The following GABRB1 variants were observed in gnomAD, a reference collection of about 807,000 sequenced individuals.
GABRB1 encodes the protein gamma-aminobutyric acid receptor subunit beta-1.
In GABRB1, 17 loss-of-function variants were observed where a neutral mutation model predicts 51.6. The ratio of observed to expected loss-of-function variants is 0.33; its 90% CI spans 0.23 to 0.49. The LOEUF is 0.49. Ranked by LOEUF, GABRB1 falls within the 20% of genes least tolerant of loss-of-function variation. The pLI, the probability that GABRB1 is intolerant of heterozygous loss-of-function variation, is 0.99. For missense variants in GABRB1, 410 were observed against 600.6 expected, an observed-to-expected ratio of 0.68 and a Z score of 3.32; for synonymous variants, 247 against 218.9, an observed-to-expected ratio of 1.13 and a Z score of -1.14.
At chr4:47,042,499 T>C (rs924853409) in intron 3 of GABRB1, among the ~76,000 whole-genome samples, 1 of 148,400 alleles carries the variant, frequency 6.7e-6, no homozygotes, top group Non-Finnish European at 1.5e-5. Context: ...TATGTATATA[T>C]AGTCTGCTTT....
chr4:47,051,974 C>A (rs1726367721), intron 3 of GABRB1, among the ~76,000 whole-genome samples: 1 of 151,924 alleles, frequency 6.6e-6, no homozygotes, highest in Admixed American at 6.6e-5. Flanking sequence ...ACTAAAAATA[C>A]AAAAGTCAGC....
At chr4:47,131,563 A>AT (rs539400267) in intron 3 of GABRB1, among the ~76,000 whole-genome samples, 98 of 151,484 alleles carry the variant, frequency 6.5e-4, no homozygotes, top group African/African-American at 1.1e-3. Flanking sequence ...CAAAACTGCA[A>AT]TTTTTTTTTG....
intron 5 of GABRB1, among the ~76,000 whole-genome samples, chr4:47,401,619 A>G (rs766425212): frequency 6.6e-6 from 1 of 152,184 alleles, no homozygotes; most frequent in Non-Finnish European, 1.5e-5. Flanking sequence ...CACATTCCCC[A>G]GATACTACTT....
intron 4 of GABRB1, among the ~76,000 whole-genome samples, chr4:47,167,636 A>G (rs569066738): frequency 6.6e-6 from 1 of 152,258 alleles, no homozygotes; most frequent in South Asian, 2.1e-4. Flanking sequence ...TGTAATTGCC[A>G]TTGTGACAGT....
At chr4:47,402,922 A>T (rs1333365832) in intron 5 of GABRB1, among the ~76,000 whole-genome samples, 9 of 152,214 alleles carry the variant, frequency 5.9e-5, no homozygotes, top group Non-Finnish European at 1.3e-4. Flanking sequence ...CCATTTAACA[A>T]ATATGTGCTC....
chr4:47,336,550 G>A (rs921467927), intron 5 of GABRB1, among the ~76,000 whole-genome samples: 2 of 152,152 alleles, frequency 1.3e-5, no homozygotes, highest in African/African-American at 4.8e-5. Flanking sequence ...CCTAGTAAGT[G>A]GCAGAGCCAA....
chr4:47,409,125 C>T (rs1386800804), intron 8 of GABRB1, among the ~76,000 whole-genome samples: 1 of 152,144 alleles, frequency 6.6e-6, no homozygotes, highest in Non-Finnish European at 1.5e-5. Flanking sequence ...CCGGGGCAAG[C>T]ACTTTTGGGC....
intron 3 of GABRB1, among the ~76,000 whole-genome samples, chr4:47,103,140 G>A (rs1015723322): frequency 6.6e-6 from 1 of 151,830 alleles, no homozygotes; most frequent in Non-Finnish European, 1.5e-5. Context: ...GGAATCTGTG[G>A]GATAATCAGT....
intron 4 of GABRB1, among the ~76,000 whole-genome samples, chr4:47,311,271 G>C (rs1355506143): frequency 3.3e-5 from 2 of 59,714 alleles, no homozygotes; most frequent in Non-Finnish European, 7.9e-5. Flanking sequence ...AAAATACCAA[G>C]CGTGGTGTTT....
At chr4:47,131,691 T>C (rs867308896) in intron 3 of GABRB1, among the ~76,000 whole-genome samples, 3 of 152,154 alleles carry the variant, frequency 2.0e-5, no homozygotes, top group Non-Finnish European at 2.9e-5. Context: ...AATGTTACGA[T>C]ATGGTAAAAG....
intron 3 of GABRB1, among the ~76,000 whole-genome samples, chr4:47,120,882 T>C (rs1037011958): frequency 6.6e-6 from 1 of 152,028 alleles, no homozygotes; most frequent in African/African-American, 2.4e-5. Context: ...CCTCTCCTCT[T>C]CTGAAGCAGA....
intron 1 of GABRB1, among the ~76,000 whole-genome samples, chr4:47,016,342 C>T (rs1577827557): frequency 6.6e-6 from 1 of 152,076 alleles, no homozygotes; most frequent in Admixed American, 6.6e-5. Flanking sequence ...AAAGCCAATT[C>T]TATTATCTTT....
At chr4:47,378,406 G>T (rs1053819928) in intron 5 of GABRB1, among the ~76,000 whole-genome samples, 1 of 152,140 alleles carries the variant, frequency 6.6e-6, no homozygotes, top group Non-Finnish European at 1.5e-5. Context: ...CAAGCACCGC[G>T]CGCAGCCCGG....
intron 4 of GABRB1, among the ~76,000 whole-genome samples, chr4:47,164,787 C>T (rs1452109603): frequency 2.0e-5 from 3 of 152,214 alleles, no homozygotes; most frequent in African/African-American, 7.2e-5. Flanking sequence ...AGGGATGGCA[C>T]ATAGTCCTGT....
rs150495145 is a variant in GABRB1 at position 47,049,037 on chromosome 4, C to T, written c.240+16553C>T. Among the ~76,000 whole-genome samples, 218 of 149,746 alleles carry T rather than the reference C, an allele frequency of 1.5e-3. 2 individuals carry two copies. The highest frequency in any genetic ancestry group is 5.1e-3 in the African/African-American group (207 of 40,616). On this transcript the variant is annotated intron_variant, in intron 3 of 8. Transcript: ENST00000295454. ...GTTACTGTCATAGACAGAGCCTTTCCTCTTAATCTTTTCATGATGAGAAGA... is the reference window on the plus strand; with the variant it reads ...GTTACTGTCATAGACAGAGCCTTTCTTCTTAATCTTTTCATGATGAGAAGA...
At chr4:47,354,111 AC>A (rs1192153594) in intron 5 of GABRB1, among the ~76,000 whole-genome samples, 2 of 152,122 alleles carry the variant, frequency 1.3e-5, no homozygotes, top group Non-Finnish European at 2.9e-5. Flanking sequence ...CACCCCTAGA[AC>A]CCTCAGGTCT....
intron 3 of GABRB1, among the ~76,000 whole-genome samples, chr4:47,119,755 C>T (rs369867381): frequency 3.3e-5 from 5 of 152,124 alleles, no homozygotes; most frequent in African/African-American, 1.2e-4. Context: ...GTGATCTGCC[C>T]ACCTCGGCCT....
At chr4:47,074,121 T>C (rs189790306) in intron 3 of GABRB1, among the ~76,000 whole-genome samples, 2 of 152,348 alleles carry the variant, frequency 1.3e-5, no homozygotes, top group African/African-American at 4.8e-5. Flanking sequence ...ATATTTTAAA[T>C]GGTATCTTAA....
In GABRB1 at chr4:47,403,722, C is replaced by T; in HGVS notation, c.835+11C>T. 6.2e-7 allele frequency: 1 copy of T among 1,610,322 alleles called. No homozygotes were observed. ...CCAGAGTCGCACTAGGTAATACATT[C>T]TCAGCACTGCAGAGAGCTAACAGAT... On this transcript the variant is annotated intron_variant, in intron 7 of 8. Coordinates refer to ENST00000295454, the MANE Select transcript of GABRB1 (RefSeq NM_000812.4).
Sources: allele counts gnomAD v4.1 joint callset (sites outside exome capture counted in the v4.1 genomes callset), GRCh38; gene constraint gnomAD v4.1.1; transcripts MANE v1.5; gene names NCBI Gene and HGNC (gene_info 2026-07-23, HGNC 2026-07-21).